Variants in DCTN5 observed in about 807,000 individuals in gnomAD.
DCTN5 encodes dynactin 4.
DCTN5 carries 14 observed loss-of-function variants against 23.5 expected under a neutral mutation model. The ratio of observed to expected loss-of-function variants is 0.60; its 90% CI spans 0.39 to 0.93. The LOEUF (loss-of-function observed/expected upper bound fraction) is 0.93. Among genes scored for constraint, DCTN5 ranks in the 40% least tolerant of loss-of-function variants. The pLI is 0.00. For synonymous variants in DCTN5, 67 were observed against 79.6 expected (o/e 0.84, Z 0.84); for missense variants, 156 against 225.9 (o/e 0.69, Z 1.98).
intron 2 of DCTN5, among the ~76,000 whole-genome samples, chr16:23,649,079 C>T (rs538440873): frequency 2.7e-4 from 41 of 151,866 alleles, no homozygotes; most frequent in Non-Finnish European, 1.3e-4. Flanking sequence ...AGGCTGGTCT[C>T]GAACTCCTGA....
At chr16:23,663,596 A>G (rs984391511) in intron 4 of DCTN5, among the ~76,000 whole-genome samples, 2 of 151,798 alleles carry the variant, frequency 1.3e-5, no homozygotes, top group Non-Finnish European at 2.9e-5. Context: ...CATGCCTGTA[A>G]TCCCAGCTAC....
chr16:23,643,642 A>G (rs1194385438), intron 2 of DCTN5, among the ~76,000 whole-genome samples: 2 of 152,134 alleles, frequency 1.3e-5, no homozygotes, highest in African/African-American at 4.8e-5. Flanking sequence ...AAAGTGTAAC[A>G]GGTAATGAAA....
chr16:23,659,253 C>G (rs1382137584), intron 3 of DCTN5, among the ~76,000 whole-genome samples: 1 of 152,184 alleles, frequency 6.6e-6, no homozygotes, highest in Non-Finnish European at 1.5e-5. Flanking sequence ...AGAGTCAAGT[C>G]AGGTCCACTG....
intron 2 of DCTN5, chr16:23,650,652 G>A: frequency 8.8e-7 from 1 of 1,133,424 alleles, no homozygotes; most frequent in Non-Finnish European, 1.3e-6. Context: ...TCACTGCTGT[G>A]TACAATTCCA....
chr16:23,650,678 C>G, intron 2 of DCTN5: 1 of 1,360,100 alleles, frequency 7.4e-7, no homozygotes, highest in Non-Finnish European at 1.0e-6. Context: ...CCACCCTCCT[C>G]TTGGTGGAAA....
At chr16:23,642,928 C>A (rs769499535) in intron 1 of DCTN5, 27 bp from the exon 2 acceptor site, 15 of 1,608,304 alleles carry the variant, frequency 9.3e-6, no homozygotes, top group Non-Finnish European at 1.3e-5. Context: ...AGTTTGCTTT[C>A]CCCGGTTTTC....
chr16:23,675,587 A>T lies in DCTN5; in HGVS notation c.*8443A>T, dbSNP rs988573580. On this transcript the variant is annotated 3_prime_UTR_variant, in exon 6 of 6. Transcript: ENST00000300087. ...CCAGAGGAAAGGCCTAGCTGAGAGT[A>T]AGAGATGGTTGAAAAAATGCAATGT... is the stretch of plus-strand genomic sequence containing the variant. 1 of 152,188 alleles carries T rather than the reference A, an allele frequency of 6.6e-6. No homozygotes were observed. The highest frequency in any genetic ancestry group is 1.5e-5 in the Non-Finnish European group (1 of 68,032). The allele number at this position is 152,188 out of a possible 1,614,324, so 9.4% of individuals were successfully genotyped here.
chr16:23,647,796 C>T (rs2140974161), intron 2 of DCTN5, among the ~76,000 whole-genome samples: 1 of 152,212 alleles, frequency 6.6e-6, no homozygotes, highest in South Asian at 2.1e-4. Flanking sequence ...GCATGAGCCA[C>T]CATGCCTGGC....
At chr16:23,645,981 A>G (rs1031983076) in intron 2 of DCTN5, among the ~76,000 whole-genome samples, 8 of 152,186 alleles carry the variant, frequency 5.3e-5, no homozygotes, top group Admixed American at 2.0e-4. Flanking sequence ...TGGTGAGTCT[A>G]TGTTTAACTT....
Position 23,670,717 on chromosome 16 carries a change from G to T in DCTN5, c.*3573G>T, listed in dbSNP as rs996625232. On this transcript the variant is annotated 3_prime_UTR_variant, in exon 6 of 6. Transcript: ENST00000300087. ...CGAAGGCCTGGTTTTTTCAGAACTG[G>T]TCTCAGCAAAATGTCTCGCCAACTT... is the stretch of plus-strand genomic sequence containing the variant. 8 of 152,180 alleles carry T rather than the reference G, an allele frequency of 5.3e-5. No individual in the cohort carries two copies. The highest frequency in any genetic ancestry group is 1.7e-4 in the African/African-American group (7 of 41,432). The allele number at this position is 152,180 out of a possible 1,614,324, so 9.4% of individuals were successfully genotyped here.
chr16:23,667,160 T>TCTTG lies in DCTN5; in HGVS notation c.*17_*20dup, dbSNP rs1328370031. 3 of 1,611,806 alleles carry TCTTG rather than the reference T, an allele frequency of 1.9e-6. No individual in the cohort carries two copies. In the African/African-American group the frequency reaches 4.0e-5, roughly 22 times the overall value. On this transcript the variant is annotated 3_prime_UTR_variant, in exon 6 of 6. Transcript: ENST00000300087. Reference sequence around the variant, plus strand: ...GCAAGTCTAGCATCTCTGCCTCATGTCTTGAATCTGCTTGAGCTCTAAGAT... The same window carrying TCTTG: ...GCAAGTCTAGCATCTCTGCCTCATGTCTTGCTTGAATCTGCTTGAGCTCTAAGAT...
chr16:23,667,288 A>G lies in DCTN5; in HGVS notation c.*144A>G, dbSNP rs964300366. 3.0e-6 allele frequency: 3 copies of G among 1,012,208 alleles called. No individual in the cohort carries two copies. The highest frequency in any genetic ancestry group is 5.0e-5 in the Admixed American group (2 of 40,070). 62.7% of individuals were successfully genotyped at this position (1,012,208 alleles called of 1,614,324 possible). On this transcript the variant is annotated 3_prime_UTR_variant, in exon 6 of 6. Coordinates refer to ENST00000300087, the MANE Select transcript of DCTN5 (RefSeq NM_032486.4). ...TAAAAAATTTCTTTAGAATTTCTCAATCTTCAAGGCTCTAAGTGCTTAAGA... is the reference window on the plus strand; with the variant it reads ...TAAAAAATTTCTTTAGAATTTCTCAGTCTTCAAGGCTCTAAGTGCTTAAGA...
intron 2 of DCTN5, among the ~76,000 whole-genome samples, chr16:23,656,923 G>A (rs911911706): frequency 1.3e-5 from 2 of 151,598 alleles, no homozygotes; most frequent in Admixed American, 1.3e-4. Flanking sequence ...CCTGGGAGGC[G>A]GGGTTGCAGT....
chr16:23,645,082 A>ACTATATCTATAT (rs1491120181), intron 2 of DCTN5, among the ~76,000 whole-genome samples: 2 of 60,346 alleles, frequency 3.3e-5, no homozygotes, highest in East Asian at 9.4e-4. Context: ...ACCCAGCCTA[A>ACTATATCTATAT]CTATATATAT....
chr16:23,655,309 C>CA (rs1967682334), intron 2 of DCTN5, among the ~76,000 whole-genome samples: 1 of 152,174 alleles, frequency 6.6e-6, no homozygotes, highest in Non-Finnish European at 1.5e-5. Context: ...TCTCTAAACT[C>CA]ACCTTGTAAA....
chr16:23,661,323 C>G, intron 4 of DCTN5, 42 bp downstream of exon 4: 1 of 1,416,896 alleles, frequency 7.1e-7, no homozygotes, highest in Non-Finnish European at 9.9e-7. Context: ...TTCACTTTCC[C>G]TTCAGCTCCC....
intron 4 of DCTN5, among the ~76,000 whole-genome samples, chr16:23,664,970 T>C (rs141166859): frequency 9.9e-5 from 15 of 152,268 alleles, no homozygotes; most frequent in African/African-American, 3.6e-4. Context: ...ATTCAGCCCA[T>C]GTTGTAAGAA....
chr16:23,665,819 T>A, intron 5 of DCTN5, 91 bp downstream of exon 5: 1 of 1,057,474 alleles, frequency 9.5e-7, no homozygotes, highest in Non-Finnish European at 1.4e-6. Flanking sequence ...TTCCTATCTC[T>A]GGCAATATGT....
intron 2 of DCTN5, among the ~76,000 whole-genome samples, chr16:23,650,482 T>A (rs957953954): frequency 1.4e-4 from 20 of 146,478 alleles, no homozygotes; most frequent in African/African-American, 4.5e-4. Flanking sequence ...CCTGGCTAAT[T>A]TTTTTTTTTT....
Sources: allele counts gnomAD v4.1 joint callset (sites outside exome capture counted in the v4.1 genomes callset), GRCh38; gene constraint gnomAD v4.1.1; transcripts MANE v1.5; gene names NCBI Gene and HGNC (gene_info 2026-07-23, HGNC 2026-07-21).